Variants in NCOR2 observed in about 807,000 individuals in gnomAD.
NCOR2 encodes CTG repeat protein 26.
Under a neutral mutation model 262.9 loss-of-function variants are expected in NCOR2, and 81 were observed. The observed-to-expected ratio is 0.31, with a 90% CI of 0.26 to 0.37. The LOEUF (loss-of-function observed/expected upper bound fraction) is 0.37, where lower values mean the gene tolerates loss of function less well. Ranked by LOEUF, NCOR2 falls within the 10% of genes least tolerant of loss-of-function variation. The pLI, the probability that NCOR2 is intolerant of heterozygous loss-of-function variation, is 1.00. For synonymous variants in NCOR2, 1,659 were observed against 1,559.3 expected (o/e 1.06, Z -1.51); for missense variants, 3,385 against 3,621.4 (o/e 0.93, Z 1.68).
rs73419866 is a variant in NCOR2, at chr12:124,350,998, G to A, written c.3694-261C>T. On this transcript the variant is annotated intron_variant, in intron 27 of 46. Coordinates refer to ENST00000405201, the Ensembl canonical transcript of NCOR2. ...CTATGGATTTGCTCATTTAATCCTC[G>A]AAACAACCCTAAGACAACCCTATTG... 4.1e-3 allele frequency among the ~76,000 whole-genome samples: 629 copies of A among 152,290 alleles called. 5 individuals carry two copies. The highest frequency in any genetic ancestry group is 0.014 in the African/African-American group (577 of 41,546).
chr12:124,521,107 G>C (rs1465560450), intron 1 of NCOR2, among the ~76,000 whole-genome samples: 1 of 149,524 alleles, frequency 6.7e-6, no homozygotes, highest in East Asian at 1.9e-4. Flanking sequence ...GTGGGGCCCA[G>C]GGGGGAGGTG....
At chr12:124,509,236 G>GGC (rs1491089848) in intron 1 of NCOR2, among the ~76,000 whole-genome samples, 11 of 24,360 alleles carry the variant, frequency 4.5e-4, no homozygotes, top group East Asian at 2.9e-3. Context: ...TGGCTTTGGT[G>GGC]GGGGGGGGGG....
intron 13 of NCOR2, among the ~76,000 whole-genome samples, chr12:124,417,230 C>T (rs901623045): frequency 2.0e-5 from 3 of 151,550 alleles, no homozygotes; most frequent in Admixed American, 6.6e-5. Context: ...ACTCACTCCA[C>T]GGACAGCAGG....
intron 27 of NCOR2, among the ~76,000 whole-genome samples, chr12:124,351,363 G>A (rs1045742913): frequency 1.2e-4 from 17 of 146,224 alleles, no homozygotes; most frequent in African/African-American, 4.3e-4. Flanking sequence ...CTGACAGCTG[G>A]AGCTGGACCC....
exon 47 of NCOR2, chr12:124,324,538 G>C (rs1285933902): frequency 6.6e-6 from 1 of 152,326 alleles, no homozygotes; most frequent in Non-Finnish European, 1.5e-5. Flanking sequence ...GAGGGAGGGA[G>C]GACACAGCGG....
In NCOR2 at chr12:124,428,090, C is replaced by CGTGTGTGT. The variant is rs1412280487; in HGVS notation, c.1150-1291_1150-1290insACACACAC. On this transcript the variant is annotated intron_variant, in intron 10 of 46. Transcript: ENST00000405201. ...GTGTGTGTGTGTGTGTGTGTGTGTA[C>CGTGTGTGT]ATGCAACAATCAGCCCAGGTGCCAC... Among the ~76,000 whole-genome samples the CGTGTGTGT allele has an allele frequency of 2.1e-3, 295 of 138,160 alleles. 1 individual carries two copies. The highest frequency in any genetic ancestry group is 7.9e-3 in the African/African-American group (267 of 33,688). 90.6% of individuals were successfully genotyped at this position (138,160 alleles called of 152,430 possible). A position where few individuals can be genotyped will look rare whatever the true frequency, so the allele number is the denominator to read the frequency against.
At chr12:124,460,299 C>T (rs141952290) in intron 5 of NCOR2, among the ~76,000 whole-genome samples, 1 of 152,348 alleles carries the variant, frequency 6.6e-6, no homozygotes, top group Non-Finnish European at 1.5e-5. Context: ...CTGGCTCCCT[C>T]GCTCAGGCGG....
chr12:124,385,760 C>G, exon 17 of NCOR2: 2 of 1,613,762 alleles, frequency 1.2e-6, no homozygotes, highest in Non-Finnish European at 1.7e-6. Context: ...TCAGCTTGTG[C>G]TGCTGCAAGA....
intron 42 of NCOR2, among the ~76,000 whole-genome samples, chr12:124,332,830 G>C (rs750290796): frequency 6.6e-6 from 1 of 152,096 alleles, no homozygotes; most frequent in East Asian, 1.9e-4. Context: ...CATCGCCCCC[G>C]GTCTGGCCCA....
rs2050760041 is a variant in NCOR2 at position 124,531,368 on chromosome 12, C to T, written c.-118+4197G>A. 6.6e-6 allele frequency among the ~76,000 whole-genome samples: 1 copy of T among 152,198 alleles called. No individual in the cohort carries two copies. Among genetic ancestry groups the T allele is most frequent in the Non-Finnish European group, 1.5e-5 (1 of 68,028 alleles). On this transcript the variant is annotated intron_variant, in intron 1 of 46. Coordinates refer to the NCOR2 transcript ENST00000404621. This position sits in a 1 kb window ranked among gnomAD's most constrained non-coding sequence, Gnocchi z 4.5. ...CTGGAGCCAACGGCAGGAGGGGCATCCCCCGGGCCCGATTAGCGGGCGGCC... is the reference window on the plus strand; with the variant it reads ...CTGGAGCCAACGGCAGGAGGGGCATTCCCCGGGCCCGATTAGCGGGCGGCC...
intron 1 of NCOR2, among the ~76,000 whole-genome samples, chr12:124,505,058 CAGGGGAAACTG>C (rs1178389412): frequency 6.6e-6 from 1 of 152,204 alleles, no homozygotes; most frequent in Non-Finnish European, 1.5e-5. Context: ...AATCGTTTGA[CAGGGGAAACTG>C]AGGTTCCAGC....
At chr12:124,334,028 G>GTGTGTGCGCGCGCATGTGTGTGT (rs1593094229) in intron 41 of NCOR2, among the ~76,000 whole-genome samples, 1 of 150,414 alleles carries the variant, frequency 6.6e-6, no homozygotes, top group Non-Finnish European at 1.5e-5. Flanking sequence ...GTGCATGTGT[G>GTGTGTGCGCGCGCATGTGTGTGT]GAAAGGCTGC....
intron 16 of NCOR2, among the ~76,000 whole-genome samples, chr12:124,386,366 C>A (rs2040808559): frequency 6.6e-6 from 1 of 152,038 alleles, no homozygotes; most frequent in Non-Finnish European, 1.5e-5. Flanking sequence ...CCACACCGGC[C>A]CAGCGAAAGG....
intron 30 of NCOR2, 107 bp downstream of exon 32, chr12:124,347,718 T>C: frequency 9.0e-7 from 1 of 1,115,828 alleles, no homozygotes; most frequent in East Asian, 2.6e-5. Flanking sequence ...CCTTTCTGCA[T>C]ACTTGTCCTG....
chr12:124,501,139 C>T (rs2048709846), intron 1 of NCOR2, among the ~76,000 whole-genome samples: 1 of 151,768 alleles, frequency 6.6e-6, no homozygotes, highest in African/African-American at 2.4e-5. Context: ...CTGAGAAGCC[C>T]AAGGCACAAA....
intron 22 of NCOR2, 183 bp from the exon 25 acceptor site, chr12:124,356,965 G>C: frequency 1.5e-6 from 1 of 674,934 alleles, no homozygotes; most frequent in Non-Finnish European, 2.2e-6. Context: ...TAACCCCATG[G>C]TATTCTGCTC....
chr12:124,439,262 T>G (rs377236576), intron 7 of NCOR2, among the ~76,000 whole-genome samples: 262 of 11,150 alleles, frequency 0.023, no homozygotes, highest in Non-Finnish European at 0.03. Context: ...GAGAGAGAGA[T>G]GGAGACCCTG....
chr12:124,479,517 GCGCGCA>G (rs1027211877), intron 3 of NCOR2, among the ~76,000 whole-genome samples: 1 of 150,066 alleles, frequency 6.7e-6, no homozygotes, highest in African/African-American at 2.5e-5. Context: ...ACACGCACAT[GCGCGCA>G]CACGCACACA....
intron 6 of NCOR2, among the ~76,000 whole-genome samples, chr12:124,451,863 A>C (rs1442215340): frequency 1.1e-5 from 1 of 88,824 alleles, no homozygotes; most frequent in African/African-American, 4.4e-5. Flanking sequence ...ATCCCCAGGG[A>C]AGGGCCTCTG....
Sources: allele counts gnomAD v4.1 joint callset (sites outside exome capture counted in the v4.1 genomes callset), GRCh38; gene constraint gnomAD v4.1.1; non-coding constraint Gnocchi (gnomAD v3.1); transcripts MANE v1.5; gene names NCBI Gene and HGNC (gene_info 2026-07-23, HGNC 2026-07-21).